RBMS3: variants seen among roughly 807,000 people sequenced by gnomAD.
The protein encoded by RBMS3 is RNA-binding motif, single-stranded-interacting protein 3.
RBMS3 carries 27 observed loss-of-function variants against 66.8 expected under a neutral mutation model. The ratio of observed to expected loss-of-function variants is 0.40; its 90% CI spans 0.30 to 0.56. The LOEUF is 0.56. Among genes scored for constraint, RBMS3 ranks in the 20% least tolerant of loss-of-function variants. The pLI is 0.40. For missense variants in RBMS3, 513 were observed against 549.5 expected, an observed-to-expected ratio of 0.93 and a Z score of 0.66; for synonymous variants, 188 against 183.0, an observed-to-expected ratio of 1.03 and a Z score of -0.22.
At chr3:29,683,752 C>T (rs529738895) in intron 4 of RBMS3, among the ~76,000 whole-genome samples, 1 of 152,312 alleles carries the variant, frequency 6.6e-6, no homozygotes, top group East Asian at 1.9e-4. Flanking sequence ...CCCAGCTCAA[C>T]TTTTCTTTCT....
intron 1 of RBMS3, among the ~76,000 whole-genome samples, chr3:29,358,922 C>G (rs2037394167): frequency 6.6e-6 from 1 of 152,124 alleles, no homozygotes; most frequent in Non-Finnish European, 1.5e-5. Flanking sequence ...GCTGAAGTTG[C>G]TTATCAGCTT....
At chr3:29,337,963 G>T (rs781551182) in intron 1 of RBMS3, among the ~76,000 whole-genome samples, 1 of 152,050 alleles carries the variant, frequency 6.6e-6, no homozygotes, top group Non-Finnish European at 1.5e-5. Context: ...TTATAACCTT[G>T]GCTAGAATGG....
chr3:29,471,714 CTTAG>C (rs527412502), intron 2 of RBMS3, among the ~76,000 whole-genome samples: 30,625 of 124,454 alleles, frequency 0.25, 3,394 homozygotes, highest in African/African-American at 0.3. Context: ...ATCATGAGGA[CTTAG>C]TTTTTTTTTT....
At chr3:29,522,991 A>G (rs1458534981) in intron 3 of RBMS3, among the ~76,000 whole-genome samples, 5 of 152,220 alleles carry the variant, frequency 3.3e-5, no homozygotes. Flanking sequence ...ATTATCTACT[A>G]GCACTGCTAT....
At chr3:29,705,829 C>A (rs2052862830) in intron 4 of RBMS3, among the ~76,000 whole-genome samples, 1 of 152,162 alleles carries the variant, frequency 6.6e-6, no homozygotes, top group Admixed American at 6.6e-5. Flanking sequence ...GATTAAAGAA[C>A]TAAGGTGGCA....
chr3:29,602,932 T>C (rs187564247), intron 4 of RBMS3, among the ~76,000 whole-genome samples: 25 of 152,072 alleles, frequency 1.6e-4, no homozygotes, highest in Middle Eastern at 3.4e-3. Context: ...CTTGGGAAAA[T>C]CTTACTGACA....
At chr3:29,320,110 A>AT (rs1690123448) in intron 1 of RBMS3, among the ~76,000 whole-genome samples, 1 of 152,014 alleles carries the variant, frequency 6.6e-6, no homozygotes, top group African/African-American at 2.4e-5. Context: ...AAGTACCTAG[A>AT]TTTTTGTTTT....
chr3:29,925,197 CA>C (rs1326349384), intron 10 of RBMS3: 4 of 152,164 alleles, frequency 2.6e-5, no homozygotes, highest in African/African-American at 9.7e-5. Context: ...CAAGTCTTAA[CA>C]AGCGGGAATA....
chr3:29,591,127 C>T (rs1244798908), intron 4 of RBMS3, among the ~76,000 whole-genome samples: 2 of 152,118 alleles, frequency 1.3e-5, no homozygotes, highest in Non-Finnish European at 2.9e-5. Flanking sequence ...CCTCTGCAAG[C>T]AGAGAAAATT....
chr3:29,349,299 C>T (rs1242852412), intron 1 of RBMS3, among the ~76,000 whole-genome samples: 1 of 152,182 alleles, frequency 6.6e-6, no homozygotes, highest in East Asian at 1.9e-4. Context: ...CTCTCTATTC[C>T]TCTGTAACCC....
chr3:29,991,032 G>A (rs527570592), intron 13 of RBMS3, 50 bp from the exon 14 acceptor site: 1 of 1,572,392 alleles, frequency 6.4e-7, no homozygotes, highest in Non-Finnish European at 8.7e-7. Context: ...TCTAGAGAGG[G>A]CCCTTCACTG....
At chr3:29,985,315 G>A (rs1698301068) in intron 12 of RBMS3, among the ~76,000 whole-genome samples, 3 of 152,110 alleles carry the variant, frequency 2.0e-5, no homozygotes, top group Admixed American at 2.0e-4. Flanking sequence ...AGCTTGCTGG[G>A]CTCCGTAGAG....
chr3:29,478,503 C>T (rs1347493959), intron 2 of RBMS3, among the ~76,000 whole-genome samples: 1 of 152,186 alleles, frequency 6.6e-6, no homozygotes, highest in Admixed American at 6.5e-5. Flanking sequence ...GCCCCATCTC[C>T]TAACACCATC....
intron 1 of RBMS3, among the ~76,000 whole-genome samples, chr3:29,312,755 C>G (rs955762997): frequency 6.6e-6 from 1 of 151,170 alleles, no homozygotes; most frequent in Non-Finnish European, 1.5e-5. Context: ...AGATGAAGTC[C>G]CGTAAATTAA....
At chr3:29,595,860 C>T (rs1404966888) in intron 4 of RBMS3, among the ~76,000 whole-genome samples, 1 of 152,168 alleles carries the variant, frequency 6.6e-6, no homozygotes, top group Non-Finnish European at 1.5e-5. Context: ...TGTCTCCCCA[C>T]CCATGGATGA....
intron 10 of RBMS3, among the ~76,000 whole-genome samples, chr3:29,932,239 T>C (rs2061148634): frequency 6.6e-6 from 1 of 152,168 alleles, no homozygotes; most frequent in Non-Finnish European, 1.5e-5. Context: ...GCTTAGCCCC[T>C]TTGAATGTTT....
chr3:29,730,001 G>A (rs534558778), intron 4 of RBMS3, among the ~76,000 whole-genome samples: 31 of 151,806 alleles, frequency 2.0e-4, no homozygotes, highest in African/African-American at 6.8e-4. Context: ...ATAGTAGGCA[G>A]TATAAATACT....
intron 4 of RBMS3, among the ~76,000 whole-genome samples, chr3:29,663,610 C>A (rs1330320062): frequency 6.6e-6 from 1 of 152,096 alleles, no homozygotes; most frequent in African/African-American, 2.4e-5. Context: ...AGGTAAGAGG[C>A]AATTTGGGGA....
chr3:29,837,127 T>C lies in RBMS3; in HGVS notation c.638-31731T>C, dbSNP rs1420515613. Among the ~76,000 whole-genome samples, 3 of 152,194 alleles carry C rather than the reference T, an allele frequency of 2.0e-5. No homozygotes were observed. In the East Asian group the frequency reaches 5.8e-4, roughly 29 times the overall value. On this transcript the variant is annotated intron_variant, in intron 6 of 14. Coordinates refer to ENST00000383767, the MANE Select transcript of RBMS3 (RefSeq NM_001003793.3). ...TGTTACATGGGGTCAATCATCATTT[T>C]TGCAAACGACTTGAGTAATTTTTTT... is the stretch of plus-strand genomic sequence containing the variant.
Sources: allele counts gnomAD v4.1 joint callset (sites outside exome capture counted in the v4.1 genomes callset), GRCh38; gene constraint gnomAD v4.1.1; transcripts MANE v1.5; gene names NCBI Gene and HGNC (gene_info 2026-07-23, HGNC 2026-07-21).